Variants in SEPTIN9 observed in about 807,000 individuals in gnomAD.
The protein encoded by SEPTIN9 is septin 9.
In SEPTIN9, 13 loss-of-function variants were observed where a neutral mutation model predicts 56.6. That is an observed-to-expected ratio of 0.23 (90% CI 0.15 to 0.37). SEPTIN9 has a LOEUF of 0.37. Ranked by LOEUF, SEPTIN9 falls within the 10% of genes least tolerant of loss-of-function variation. The pLI is 1.00. For synonymous variants in SEPTIN9, 332 were observed against 334.1 expected, an observed-to-expected ratio of 0.99 and a Z score of 0.07; for missense variants, 650 against 823.1, an observed-to-expected ratio of 0.79 and a Z score of 2.57.
At position 77,323,178 on chromosome 17, in the gene SEPTIN9, G is replaced by A. The variant is rs988298717; in HGVS notation, c.76+15981G>A. On this transcript the variant is annotated intron_variant, in intron 2 of 11. Transcript: ENST00000427177. The surrounding 1 kb of genome is among the most constrained non-coding windows in gnomAD (Gnocchi z 6.8). ...TGAACGGGGGCCTGGGTACTCTCCC[G>A]CCCTCCCTGGGGGCTGTGGCCTTCC... 6.6e-6 allele frequency among the ~76,000 whole-genome samples: 1 copy of A among 152,238 alleles called. No individual in the cohort carries two copies. The highest frequency in any genetic ancestry group is 2.4e-5 in the African/African-American group (1 of 41,536).
At chr17:77,441,416 C>T in intron 3 of SEPTIN9, among the ~76,000 whole-genome samples, 1 of 152,232 alleles carries the variant, frequency 6.6e-6, no homozygotes, top group East Asian at 1.9e-4. Context: ...GAAAACAGGC[C>T]TGGAGTCAGC....
rs1187711691 is a variant in SEPTIN9 at position 77,476,724 on chromosome 17, G to A, written c.722-5420G>A. On this transcript the variant is annotated intron_variant, in intron 3 of 11. Transcript: ENST00000427177. The surrounding 1 kb of genome is among the most constrained non-coding windows in gnomAD (Gnocchi z 6.0). The stretch of plus-strand genomic sequence containing the variant: ...TGGGAACCTGCAGAGAAACTGTCAA[G>A]GTCTCCCGCCACCTGACACCTCCGC... Among the ~76,000 whole-genome samples, 1 of 152,196 alleles carries A rather than the reference G, an allele frequency of 6.6e-6. No homozygotes were observed. The highest frequency in any genetic ancestry group is 2.4e-5 in the African/African-American group (1 of 41,460).
intron 3 of SEPTIN9, among the ~76,000 whole-genome samples, chr17:77,443,879 T>C (rs1257536450): frequency 6.6e-6 from 1 of 151,710 alleles, no homozygotes; most frequent in Non-Finnish European, 1.5e-5. Flanking sequence ...TGACGGGAGG[T>C]AGGGCGAGCA....
intron 3 of SEPTIN9, chr17:77,481,840 G>A (rs1001066783): frequency 4.3e-5 from 19 of 440,332 alleles, no homozygotes; most frequent in Non-Finnish European, 6.2e-5. Context: ...GCCTTGGAGC[G>A]CAGGGGGCCC....
chr17:77,467,710 G>A (rs942465021), intron 3 of SEPTIN9, among the ~76,000 whole-genome samples: 26 of 152,336 alleles, frequency 1.7e-4, no homozygotes, highest in Non-Finnish European at 2.8e-4. Flanking sequence ...CCGAAGCCGC[G>A]GAGACGCCGT....
chr17:77,360,597 C>T (rs2034383318), intron 2 of SEPTIN9, among the ~76,000 whole-genome samples: 1 of 151,338 alleles, frequency 6.6e-6, no homozygotes, highest in Non-Finnish European at 1.5e-5. Flanking sequence ...CGGAGTCTCG[C>T]TCTGTCGCCC....
At position 77,313,238 on chromosome 17, in the gene SEPTIN9, G is replaced by A. The variant is rs753702188; in HGVS notation, c.76+6041G>A. Reference sequence around the variant, plus strand: ...CGGGGGCCCCCTCTAGGAATGGAGCGCCAGCTCCAGCTCCTGTCAGGCTAC... The same window carrying A: ...CGGGGGCCCCCTCTAGGAATGGAGCACCAGCTCCAGCTCCTGTCAGGCTAC... On this transcript the variant is annotated intron_variant, in intron 2 of 11. Transcript: ENST00000427177. This position sits in a 1 kb window ranked among gnomAD's most constrained non-coding sequence, Gnocchi z 4.5. Among the ~76,000 whole-genome samples, 2 of 152,208 alleles carry A rather than the reference G, an allele frequency of 1.3e-5. No homozygotes were observed. Among genetic ancestry groups the A allele is most frequent in the Non-Finnish European group, 2.9e-5 (2 of 68,034 alleles).
chr17:77,452,681 G>C (rs997896002), intron 3 of SEPTIN9, among the ~76,000 whole-genome samples: 4 of 152,030 alleles, frequency 2.6e-5, no homozygotes, highest in South Asian at 4.1e-4. Context: ...CCCGTTGGAA[G>C]AGGAGGAAGC....
At chr17:77,296,714 G>A (rs185473797) in intron 1 of SEPTIN9, among the ~76,000 whole-genome samples, 4 of 152,142 alleles carry the variant, frequency 2.6e-5, no homozygotes, top group Non-Finnish European at 4.4e-5. Flanking sequence ...TTAGCTGGGC[G>A]TGGTGGTGCA....
At chr17:77,375,047 T>G (rs1171364850) in intron 2 of SEPTIN9, 2 of 74,666 alleles carry the variant, frequency 2.7e-5, no homozygotes, top group East Asian at 7.9e-4. Flanking sequence ...CCCGCCCCCC[T>G]CCCCCACAAC....
intron 2 of SEPTIN9, among the ~76,000 whole-genome samples, chr17:77,394,565 T>C (rs946856687): frequency 2.0e-5 from 3 of 152,354 alleles, no homozygotes. Context: ...GAGGCCACGT[T>C]GCTCCCTCCT....
rs184331873 is a variant in SEPTIN9, at chr17:77,447,752, G to A, written c.722-34392G>A. On this transcript the variant is annotated intron_variant, in intron 3 of 11. Coordinates refer to ENST00000427177, the MANE Select transcript of SEPTIN9 (RefSeq NM_001113491.2). ...CGATTCTCCTGCCTCAACCTCCTGA[G>A]TGGCTGGGACTACAGGCACACACTA... 2.4e-3 allele frequency among the ~76,000 whole-genome samples: 370 copies of A among 152,334 alleles called. 1 individual carries two copies. Among genetic ancestry groups the A allele is most frequent in the African/African-American group, 8.4e-3 (351 of 41,574 alleles).
chr17:77,405,031 G>C lies in SEPTIN9; in HGVS notation c.721+2328G>C. 6.6e-7 allele frequency: 1 copy of C among 1,516,298 alleles called. No individual in the cohort carries two copies. Among genetic ancestry groups the C allele is most frequent in the Non-Finnish European group, 8.8e-7 (1 of 1,131,632 alleles). 93.9% of individuals were successfully genotyped at this position (1,516,298 alleles called of 1,614,324 possible). ...TCCTGGGTTGATGTGTTCACACTCA[G>C]CTGAGTCAAACAGGATGTGGCTGGG... On this transcript the variant is annotated intron_variant, in intron 3 of 11. Transcript: ENST00000427177. The surrounding 1 kb of genome is among the most constrained non-coding windows in gnomAD (Gnocchi z 5.8).
intron 2 of SEPTIN9, among the ~76,000 whole-genome samples, chr17:77,336,998 G>GTTTTTT (rs61414789): frequency 7.8e-6 from 1 of 128,486 alleles, no homozygotes. Flanking sequence ...TTTGCCCCCC[G>GTTTTTT]TTTTTTTTTT....
rs751221496 is a variant in SEPTIN9, at chr17:77,320,384, C to G, written c.76+13187C>G. On this transcript the variant is annotated intron_variant, in intron 2 of 11. Coordinates refer to ENST00000427177, the MANE Select transcript of SEPTIN9 (RefSeq NM_001113491.2). Reference sequence around the variant, plus strand: ...AGCCCCCTCCCCATCGGCCGCCCCCCACTGCCCTGGACTCGGGGCTTTATT... The same window carrying G: ...AGCCCCCTCCCCATCGGCCGCCCCCGACTGCCCTGGACTCGGGGCTTTATT... 27 of 1,581,174 alleles carry G rather than the reference C, an allele frequency of 1.7e-5. No individual in the cohort carries two copies. In the East Asian group the frequency reaches 5.1e-4, roughly 30 times the overall value.
At chr17:77,381,987 C>A (rs1212020499) in intron 2 of SEPTIN9, among the ~76,000 whole-genome samples, 1 of 152,152 alleles carries the variant, frequency 6.6e-6, no homozygotes, top group African/African-American at 2.4e-5. Context: ...GTGATGCTGG[C>A]CAGCTTCTCT....
intron 3 of SEPTIN9, among the ~76,000 whole-genome samples, chr17:77,448,510 C>T (rs1300775657): frequency 2.0e-5 from 3 of 151,916 alleles, no homozygotes; most frequent in East Asian, 3.9e-4. Context: ...AATTGAGACT[C>T]TCCGAGCTGC....
At chr17:77,385,620 G>A (rs905076904) in intron 2 of SEPTIN9, among the ~76,000 whole-genome samples, 8 of 152,212 alleles carry the variant, frequency 5.3e-5, no homozygotes, top group African/African-American at 1.9e-4. Flanking sequence ...CCCTAGGATT[G>A]AGAGATGAGG....
rs960787742 is a variant in SEPTIN9 at position 77,421,333 on chromosome 17, C to T, written c.721+18630C>T. 6.6e-6 allele frequency among the ~76,000 whole-genome samples: 1 copy of T among 152,240 alleles called. No homozygotes were observed. The highest frequency in any genetic ancestry group is 1.5e-5 in the Non-Finnish European group (1 of 68,044). On this transcript the variant is annotated intron_variant, in intron 3 of 11. Transcript: ENST00000427177. The surrounding 1 kb of genome is among the most constrained non-coding windows in gnomAD (Gnocchi z 4.6). ...AGGAACAGATTGGAACCGCATTTCT[C>T]TCCCCCCAGTCACAGCTGCCAGGAG...
Sources: gnomAD v4.1 joint callset for allele counts (sites outside exome capture counted in the v4.1 genomes callset) on GRCh38, gnomAD v4.1.1 for gene constraint, Gnocchi (gnomAD v3.1) non-coding constraint, MANE v1.5 for transcripts, NCBI Gene and HGNC (gene_info 2026-07-23, HGNC 2026-07-21) for gene names.